The following SYNE2 variants were observed in gnomAD, a reference collection of about 807,000 sequenced individuals.
SYNE2 encodes spectrin repeat containing nuclear envelope protein 2, also known as nesprin-2.
Under a neutral mutation model 856.3 loss-of-function variants are expected in SYNE2, and 431 were observed. The observed-to-expected ratio is 0.50, with a 90% CI of 0.47 to 0.55. The LOEUF (loss-of-function observed/expected upper bound fraction) is 0.55, where lower values mean the gene tolerates loss of function less well. Among genes scored for constraint, SYNE2 ranks in the 20% least tolerant of loss-of-function variants. The probability of loss-of-function intolerance (pLI) is 0.00; values close to 1 mark genes in which losing one functional copy is unlikely to be tolerated. For synonymous variants in SYNE2, 2,923 were observed against 2,872.3 expected (o/e 1.02, Z -0.56); for missense variants, 8,129 against 8,023.2 (o/e 1.01, Z -0.50).
At chr14:63,915,498 A>T (rs569279715) in intron 2 of SYNE2, among the ~76,000 whole-genome samples, 1 of 152,314 alleles carries the variant, frequency 6.6e-6, no homozygotes, top group South Asian at 2.1e-4. Context: ...CCAGATACAG[A>T]ATATTATCAT....
chr14:64,009,344 C>T (rs527656639), intron 31 of SYNE2, among the ~76,000 whole-genome samples: 19 of 151,864 alleles, frequency 1.3e-4, no homozygotes, highest in African/African-American at 3.6e-4. Flanking sequence ...ACGACCAGCC[C>T]GGCCAACATG....
intron 72 of SYNE2, 50 bp downstream of exon 72, chr14:64,126,529 G>C: frequency 6.2e-7 from 1 of 1,614,148 alleles, no homozygotes; most frequent in South Asian, 1.1e-5. Context: ...GCAGCCCCGT[G>C]AGTTAAGCCC....
intron 1 of SYNE2, among the ~76,000 whole-genome samples, chr14:63,777,076 T>C (rs1456369730): frequency 6.6e-6 from 1 of 152,226 alleles, no homozygotes. Flanking sequence ...CAAAATCACA[T>C]ACAGCAGCCC....
intron 1 of SYNE2, among the ~76,000 whole-genome samples, chr14:63,888,515 T>C (rs1393134498): frequency 6.6e-6 from 1 of 152,180 alleles, no homozygotes; most frequent in Non-Finnish European, 1.5e-5. Context: ...ATCACTTGCC[T>C]AATTATTTTA....
intron 1 of SYNE2, among the ~76,000 whole-genome samples, chr14:63,899,116 C>T (rs1024144691): frequency 2.6e-5 from 4 of 152,168 alleles, no homozygotes; most frequent in African/African-American, 4.8e-5. Context: ...TAAGTGGAAT[C>T]AGACAGCATT....
intron 23 of SYNE2, among the ~76,000 whole-genome samples, chr14:63,995,721 ATATCTATCCATC>A (rs755684482): frequency 2.0e-4 from 27 of 136,980 alleles, no homozygotes; most frequent in East Asian, 8.8e-4. Context: ...ATATAATTCT[ATATCTATCCATC>A]TATCTATCTA....
At chr14:64,066,528 G>A (rs147417277) in intron 51 of SYNE2, among the ~76,000 whole-genome samples, 7 of 152,114 alleles carry the variant, frequency 4.6e-5, no homozygotes, top group East Asian at 1.9e-4. Flanking sequence ...AAAACACAAC[G>A]TAAAATTATC....
At chr14:64,005,946 T>C (rs1236973621) in intron 30 of SYNE2, among the ~76,000 whole-genome samples, 1 of 152,138 alleles carries the variant, frequency 6.6e-6, no homozygotes, top group African/African-American at 2.4e-5. Flanking sequence ...GAGAGGCCAG[T>C]ACAGTAGGAT....
intron 111 of SYNE2, among the ~76,000 whole-genome samples, chr14:64,221,290 G>T (rs2098692758): frequency 6.6e-6 from 1 of 152,156 alleles, no homozygotes; most frequent in African/African-American, 2.4e-5. Flanking sequence ...ATTGGCTGAG[G>T]AATGCGTGTG....
At chr14:63,789,918 A>G (rs189520487) in intron 1 of SYNE2, among the ~76,000 whole-genome samples, 26 of 152,280 alleles carry the variant, frequency 1.7e-4, no homozygotes, top group Admixed American at 1.4e-3. Context: ...GGACTGCCTG[A>G]ATACATTCAC....
rs765573084 is a variant in SYNE2, at chr14:64,049,594, G to A, written c.7378-17G>A. The A allele has an allele frequency of 6.2e-6, 10 of 1,613,494 alleles. No individual in the cohort carries two copies. Among genetic ancestry groups the A allele is most frequent in the Non-Finnish European group, 7.6e-6 (9 of 1,179,590 alleles). On this transcript the variant is annotated splice_polypyrimidine_tract_variant and intron_variant, in intron 46 of 115. Transcript: ENST00000555002. ...TAAGTGAGTGTTTATTGACTGATCT[G>A]TGTGACTTATTTTTAGAAATTATAT... is the stretch of plus-strand genomic sequence containing the variant.
intron 45 of SYNE2, among the ~76,000 whole-genome samples, chr14:64,044,124 C>T (rs1595098818): frequency 6.6e-6 from 1 of 152,220 alleles, no homozygotes; most frequent in East Asian, 1.9e-4. Context: ...ATGAAAGCAG[C>T]TGGGAGGGAG....
At chr14:64,160,043 C>CTTCCT (rs1441632769) in intron 87 of SYNE2, among the ~76,000 whole-genome samples, 1 of 152,186 alleles carries the variant, frequency 6.6e-6, no homozygotes, top group East Asian at 1.9e-4. Flanking sequence ...CTTAAGTGTC[C>CTTCCT]TTCCTGATTA....
intron 1 of SYNE2, among the ~76,000 whole-genome samples, chr14:63,799,773 A>C (rs1409731083): frequency 1.3e-5 from 2 of 152,162 alleles, no homozygotes; most frequent in Non-Finnish European, 2.9e-5. Flanking sequence ...TAAATTACTC[A>C]AGTATTTCTT....
At chr14:64,001,835 A>C in intron 28 of SYNE2, 99 bp from the exon 29 acceptor site, 1 of 1,299,800 alleles carries the variant, frequency 7.7e-7, no homozygotes, top group East Asian at 2.3e-5. Context: ...TTTATTGGAT[A>C]ATTATTTTCT....
chr14:63,853,361 C>A (rs1044630221), intron 1 of SYNE2, among the ~76,000 whole-genome samples: 1 of 151,548 alleles, frequency 6.6e-6, no homozygotes, highest in Non-Finnish European at 1.5e-5. Context: ...GTAAACTTGT[C>A]AGCGGGCGGG....
intron 29 of SYNE2, 81 bp downstream of exon 29, chr14:64,002,162 A>G: frequency 8.6e-7 from 1 of 1,166,742 alleles, no homozygotes; most frequent in South Asian, 1.2e-5. Flanking sequence ...ATTTTTAATT[A>G]TTCATGATAG....
intron 1 of SYNE2, among the ~76,000 whole-genome samples, chr14:63,826,751 T>G (rs1889445762): frequency 6.6e-6 from 1 of 152,082 alleles, no homozygotes; most frequent in Admixed American, 6.6e-5. Context: ...CATAAATCTC[T>G]TAGAAAAAAA....
chr14:64,176,103 C>T (rs1322267651), intron 95 of SYNE2, among the ~76,000 whole-genome samples: 2 of 152,140 alleles, frequency 1.3e-5, no homozygotes, highest in African/African-American at 2.4e-5. Flanking sequence ...CTGAGGCCAA[C>T]CCAAGTATGT....
Sources: allele counts gnomAD v4.1 joint callset (sites outside exome capture counted in the v4.1 genomes callset), GRCh38; gene constraint gnomAD v4.1.1; transcripts MANE v1.5; gene names NCBI Gene and HGNC (gene_info 2026-07-23, HGNC 2026-07-21).